Variants in AGMO observed in about 807,000 individuals in gnomAD.
AGMO encodes glyceryl-ether monooxygenase.
AGMO carries 75 observed loss-of-function variants against 60.2 expected under a neutral mutation model. That is an observed-to-expected ratio of 1.25 (90% CI 1.03 to 1.51). The LOEUF (loss-of-function observed/expected upper bound fraction) is 1.51, where lower values mean the gene tolerates loss of function less well. AGMO is among the 40% of genes most tolerant of loss of function. The pLI is 0.00. For synonymous variants in AGMO, 261 were observed against 177.1 expected (o/e 1.47, Z -3.76); for missense variants, 763 against 525.5 (o/e 1.45, Z -4.42).
At position 15,544,217 on chromosome 7, in the gene AGMO, G is replaced by C. The variant is rs1784708623; in HGVS notation, c.409+555C>G. ...TGATACATTGGACTTTAGAGACTAGGGGGAGAGGGTGGGGGTGGCAAAGGA... is the reference window on the plus strand; with the variant it reads ...TGATACATTGGACTTTAGAGACTAGCGGGAGAGGGTGGGGGTGGCAAAGGA... On this transcript the variant is annotated intron_variant, in intron 3 of 12. Coordinates refer to ENST00000342526, the MANE Select transcript of AGMO (RefSeq NM_001004320.2). 2.0e-5 allele frequency among the ~76,000 whole-genome samples: 3 copies of C among 151,778 alleles called. No homozygotes were observed. The South Asian group carries it at 6.2e-4, about 32-fold the overall frequency.
chr7:15,407,060 T>C (rs1784722348), intron 5 of AGMO, among the ~76,000 whole-genome samples: 1 of 144,758 alleles, frequency 6.9e-6, no homozygotes, highest in African/African-American at 2.5e-5. Context: ...AATATACATA[T>C]ATATGTATTC....
chr7:15,370,806 T>C (rs1783179002), intron 10 of AGMO, among the ~76,000 whole-genome samples: 1 of 152,176 alleles, frequency 6.6e-6, no homozygotes, highest in East Asian at 1.9e-4. Flanking sequence ...GTCAGATGGG[T>C]AGTTGGCAAA....
At chr7:15,450,670 G>C (rs1052598000) in intron 3 of AGMO, among the ~76,000 whole-genome samples, 1 of 152,004 alleles carries the variant, frequency 6.6e-6, no homozygotes, top group Non-Finnish European at 1.5e-5. Flanking sequence ...CAGCAAGTCT[G>C]ATATTATTCT....
At chr7:15,206,163 C>T (rs1163686353) in intron 12 of AGMO, among the ~76,000 whole-genome samples, 1 of 151,922 alleles carries the variant, frequency 6.6e-6, no homozygotes, top group African/African-American at 2.4e-5. Context: ...GACAAATAAG[C>T]ACAATGGAAC....
chr7:15,145,089 AAGT>A, the AGMO span, among the ~76,000 whole-genome samples: 3 of 152,196 alleles, frequency 2.0e-5, no homozygotes, highest in Admixed American at 2.0e-4. Flanking sequence ...CGGCCCCGCA[AAGT>A]GCTGGGATTA....
the AGMO span, among the ~76,000 whole-genome samples, chr7:15,182,278 T>G: frequency 8.5e-5 from 13 of 152,090 alleles, no homozygotes; most frequent in Non-Finnish European, 1.5e-4. Context: ...AGATAGACAG[T>G]GCTAATGGTT....
chr7:15,257,509 T>C (rs1242198967), intron 12 of AGMO, among the ~76,000 whole-genome samples: 4 of 152,306 alleles, frequency 2.6e-5, no homozygotes, highest in South Asian at 4.1e-4. Context: ...ACTTTCCTAA[T>C]TGTAAATATA....
At position 15,520,921 on chromosome 7, in the gene AGMO, G is replaced by T. The variant is rs186153215; in HGVS notation, c.409+23851C>A. On this transcript the variant is annotated intron_variant, in intron 3 of 12. Transcript: ENST00000342526. ...CAATGAATACAAGAGCAGATTTTTT[G>T]AAAAGATTAACAAAATAGACTGGTA... 3.0e-3 allele frequency among the ~76,000 whole-genome samples: 449 copies of T among 152,066 alleles called. 2 individuals carry two copies. Among genetic ancestry groups the T allele is most frequent in the Non-Finnish European group, 4.9e-3 (335 of 67,958 alleles).
chr7:15,193,245 T>TTTCTG, the AGMO span, among the ~76,000 whole-genome samples: 97,421 of 151,396 alleles, frequency 0.64, 32,613 homozygotes, highest in African/African-American at 0.85. Flanking sequence ...TGTATGATAT[T>TTTCTG]TTCTAATTTT....
chr7:15,254,290 T>A (rs1190957403), intron 12 of AGMO, among the ~76,000 whole-genome samples: 1 of 152,192 alleles, frequency 6.6e-6, no homozygotes, highest in African/African-American at 2.4e-5. Context: ...GCTCTGTTTT[T>A]AACTTTTTGA....
intron 3 of AGMO, among the ~76,000 whole-genome samples, chr7:15,525,055 T>G (rs190500882): frequency 3.3e-5 from 5 of 152,194 alleles, no homozygotes; most frequent in Admixed American, 2.0e-4. Context: ...AAAACTGAAT[T>G]CTTGGCCATG....
intron 5 of AGMO, among the ~76,000 whole-genome samples, chr7:15,409,087 G>C (rs1784775514): frequency 6.6e-6 from 1 of 151,884 alleles, no homozygotes; most frequent in Non-Finnish European, 1.5e-5. Flanking sequence ...GATATAGTGG[G>C]AAGGCGCTAC....
At chr7:15,390,982 G>A (rs1161747010) in intron 6 of AGMO, 77 bp from the exon 7 acceptor site, 26 of 855,566 alleles carry the variant, frequency 3.0e-5, no homozygotes, top group Middle Eastern at 3.1e-4. Context: ...TTGTTTTTTA[G>A]AATATATTCA....
At chr7:15,371,011 G>C (rs114010621) in intron 10 of AGMO, among the ~76,000 whole-genome samples, 13,866 of 152,046 alleles carry the variant, frequency 0.091, 682 homozygotes, top group Non-Finnish European at 0.12. Flanking sequence ...AAAAGCAATG[G>C]GGAAAAGACT....
intron 5 of AGMO, chr7:15,396,737 G>C (rs750687738): frequency 4.0e-5 from 6 of 151,558 alleles, no homozygotes; most frequent in Non-Finnish European, 8.8e-5. Flanking sequence ...TTTACAGAGA[G>C]CTGATTGGTC....
In AGMO at chr7:15,202,539, T is replaced by C. The variant is rs554693963; in HGVS notation, c.1264-1180A>G. Among the ~76,000 whole-genome samples the C allele has an allele frequency of 1.1e-4, 16 of 143,562 alleles. No individual in the cohort carries two copies. The South Asian group carries it at 2.9e-3, about 26-fold the overall frequency. 94.2% of individuals were successfully genotyped at this position (143,562 alleles called of 152,430 possible). ...TTTATGAGTGGGTTGTTCAGTTTCA[T>C]ATGAACCTCCTGGATCTTTCTAGAG... On this transcript the variant is annotated intron_variant, in intron 12 of 12. Coordinates refer to ENST00000342526, the MANE Select transcript of AGMO (RefSeq NM_001004320.2).
chr7:15,305,240 TA>T (rs11351669), intron 12 of AGMO, among the ~76,000 whole-genome samples: 5,849 of 117,878 alleles, frequency 0.05, 298 homozygotes, highest in African/African-American at 0.14. Context: ...GCAATCTGGT[TA>T]AAAAAAAAAA....
At chr7:15,401,899 T>A (rs1195841491) in intron 5 of AGMO, among the ~76,000 whole-genome samples, 1 of 152,068 alleles carries the variant, frequency 6.6e-6, no homozygotes, top group East Asian at 1.9e-4. Context: ...TGCATTTTGA[T>A]GAGCATAGGT....
At chr7:15,308,113 G>A (rs2128530032) in intron 12 of AGMO, among the ~76,000 whole-genome samples, 1 of 152,092 alleles carries the variant, frequency 6.6e-6, no homozygotes, top group Middle Eastern at 3.4e-3. Context: ...ATTTCCAAAA[G>A]AGCAAATCTA....
Sources: gnomAD v4.1 joint callset for allele counts (sites outside exome capture counted in the v4.1 genomes callset) on GRCh38, gnomAD v4.1.1 for gene constraint, MANE v1.5 for transcripts, NCBI Gene and HGNC (gene_info 2026-07-23, HGNC 2026-07-21) for gene names.